The following NEGR1 variants were observed in gnomAD, a reference collection of about 807,000 sequenced individuals.
NEGR1 encodes the protein neuronal growth regulator 1, also known as IgLON family member 4.
In NEGR1, 10 loss-of-function variants were observed where a neutral mutation model predicts 40.9. That is an observed-to-expected ratio of 0.24 (90% CI 0.15 to 0.42). NEGR1 has a LOEUF of 0.42. NEGR1 is among the 10% of genes least tolerant of loss of function. NEGR1 has a pLI of 1.00. For missense variants in NEGR1, 352 were observed against 438.9 expected (o/e 0.80, Z 1.77); for synonymous variants, 185 against 166.8 (o/e 1.11, Z -0.84).
chr1:71,705,523 C>G (rs1216994307), intron 3 of NEGR1, among the ~76,000 whole-genome samples: 1 of 152,086 alleles, frequency 6.6e-6, no homozygotes, highest in Non-Finnish European at 1.5e-5. Flanking sequence ...GAATGTATAA[C>G]AAATTTTGAA....
intron 4 of NEGR1, among the ~76,000 whole-genome samples, chr1:71,648,750 C>A (rs1388157588): frequency 1.3e-5 from 2 of 152,012 alleles, no homozygotes; most frequent in South Asian, 2.1e-4. Context: ...TTTCCTTGAG[C>A]CTTTAAATGA....
In NEGR1 at chr1:72,000,840, A is replaced by G. The variant is rs567908009; in HGVS notation, c.177-65529T>C. ...ATAGTCAAAATGAAAGAGGAAAGAA[A>G]AAACCTGACAGGCAGGTAGTTCGGG... On this transcript the variant is annotated intron_variant, in intron 1 of 6. Transcript: ENST00000357731. Among the ~76,000 whole-genome samples the G allele has an allele frequency of 9.2e-5, 14 of 152,286 alleles. 1 individual carries two copies. The highest frequency in any genetic ancestry group is 9.2e-4 in the Admixed American group (14 of 15,290).
chr1:72,018,895 C>T (rs546804583), intron 1 of NEGR1, among the ~76,000 whole-genome samples: 1 of 152,186 alleles, frequency 6.6e-6, no homozygotes, highest in East Asian at 1.9e-4. Context: ...GATCTAGCAC[C>T]GGTTTCAAAT....
chr1:71,683,873 T>TA (rs1230255085), intron 4 of NEGR1, among the ~76,000 whole-genome samples: 2 of 152,130 alleles, frequency 1.3e-5, no homozygotes, highest in Non-Finnish European at 2.9e-5. Context: ...TTATGACTCT[T>TA]ACAATTTCTG....
intron 1 of NEGR1, among the ~76,000 whole-genome samples, chr1:72,167,318 ATTCT>A (rs950189780): frequency 1.3e-5 from 2 of 152,160 alleles, no homozygotes; most frequent in African/African-American, 4.8e-5. Context: ...ATGTAAACAC[ATTCT>A]TTAACATACT....
intron 1 of NEGR1, among the ~76,000 whole-genome samples, chr1:72,016,037 T>G (rs1362088703): frequency 6.6e-6 from 1 of 152,142 alleles, no homozygotes; most frequent in African/African-American, 2.4e-5. Flanking sequence ...ATATAAGAAA[T>G]TATCCTTCAT....
intron 1 of NEGR1, among the ~76,000 whole-genome samples, chr1:72,201,532 G>C (rs1472095297): frequency 6.6e-6 from 1 of 151,752 alleles, no homozygotes; most frequent in African/African-American, 2.4e-5. Context: ...AGTAAAATGA[G>C]AAAAATATGG....
chr1:71,619,992 A>G (rs1243378455), intron 4 of NEGR1, among the ~76,000 whole-genome samples: 2 of 152,042 alleles, frequency 1.3e-5, no homozygotes, highest in Non-Finnish European at 2.9e-5. Context: ...ATTATTAAAA[A>G]CGAGTAAATC....
intron 2 of NEGR1, among the ~76,000 whole-genome samples, chr1:71,787,569 T>G (rs1000335572): frequency 6.6e-6 from 1 of 152,176 alleles, no homozygotes; most frequent in Non-Finnish European, 1.5e-5. Flanking sequence ...AATTTTTTTT[T>G]TGTAGCTTAC....
intron 1 of NEGR1, among the ~76,000 whole-genome samples, chr1:72,205,756 CAA>C (rs35490878): frequency 0.021 from 644 of 30,844 alleles, 4 homozygotes; most frequent in African/African-American, 0.064. Context: ...CCCATTTCTA[CAA>C]AAAAAAAAAA....
intron 4 of NEGR1, among the ~76,000 whole-genome samples, chr1:71,640,868 TGCCCAGAAC>T (rs61225003): frequency 0.037 from 5,570 of 152,022 alleles, 132 homozygotes; most frequent in African/African-American, 0.072. Flanking sequence ...ACACAAAAAG[TGCCCAGAAC>T]TAGGAGTTCT....
chr1:71,900,665 A>C (rs1661119455), intron 2 of NEGR1, among the ~76,000 whole-genome samples: 1 of 152,192 alleles, frequency 6.6e-6, no homozygotes, highest in Non-Finnish European at 1.5e-5. Context: ...TGCATGTTTT[A>C]ATAACTTTTA....
At chr1:72,219,634 C>A (rs2100479515) in intron 1 of NEGR1, among the ~76,000 whole-genome samples, 1 of 152,116 alleles carries the variant, frequency 6.6e-6, no homozygotes, top group East Asian at 1.9e-4. Context: ...TTACACAGCA[C>A]TATTACCTCC....
chr1:72,233,573 A>C (rs577639543), intron 1 of NEGR1, among the ~76,000 whole-genome samples: 7 of 152,132 alleles, frequency 4.6e-5, no homozygotes, highest in Non-Finnish European at 7.4e-5. Flanking sequence ...GCTTTAGTTC[A>C]TTTAGGATAA....
At chr1:71,778,198 C>G (rs1212270710) in intron 2 of NEGR1, among the ~76,000 whole-genome samples, 1 of 151,642 alleles carries the variant, frequency 6.6e-6, no homozygotes, top group East Asian at 1.9e-4. Flanking sequence ...GAGAGAGAGA[C>G]AGATATACAT....
intron 6 of NEGR1, among the ~76,000 whole-genome samples, chr1:71,505,490 C>G (rs974031953): frequency 6.6e-6 from 1 of 152,034 alleles, no homozygotes; most frequent in Non-Finnish European, 1.5e-5. Context: ...ACCGTGTTAG[C>G]CAGAATGGTC....
chr1:71,630,714 T>C (rs1650945100), intron 4 of NEGR1, among the ~76,000 whole-genome samples: 1 of 151,890 alleles, frequency 6.6e-6, no homozygotes, highest in African/African-American at 2.4e-5. Flanking sequence ...CTGCATTTGG[T>C]AACTGAAACA....
chr1:72,267,571 C>G (rs1474469882), intron 1 of NEGR1, among the ~76,000 whole-genome samples: 1 of 151,190 alleles, frequency 6.6e-6, no homozygotes, highest in Non-Finnish European at 1.5e-5. Context: ...AAAATCAACT[C>G]ACCAATTATT....
In NEGR1 at chr1:71,403,599, C is replaced by T. The variant is rs1646259229; in HGVS notation, c.*3847G>A. 3.8e-6 allele frequency: 1 copy of T among 259,916 alleles called. No individual in the cohort carries two copies. The allele number at this position is 259,916 out of a possible 1,614,324, so 16.1% of individuals were successfully genotyped here. On this transcript the variant is annotated 3_prime_UTR_variant, in exon 7 of 7. Transcript: ENST00000357731. ...GAAACTGTAGCATCTAGAATTTTTA[C>T]CCTGTACTGCTTTAGAGTAAGCAGA...
Sources: gnomAD v4.1 joint callset for allele counts (sites outside exome capture counted in the v4.1 genomes callset) on GRCh38, gnomAD v4.1.1 for gene constraint, MANE v1.5 for transcripts, NCBI Gene and HGNC (gene_info 2026-07-23, HGNC 2026-07-21) for gene names.